Variants in PTH2R observed in about 807,000 individuals in gnomAD.
The protein encoded by PTH2R is parathyroid hormone 2 receptor.
A neutral mutation model predicts 60.3 loss-of-function variants in PTH2R; 59 were observed. The ratio of observed to expected loss-of-function variants is 0.98; its 90% CI spans 0.79 to 1.22. The LOEUF (loss-of-function observed/expected upper bound fraction) is 1.22. Among genes scored for constraint, PTH2R ranks in the 50% most tolerant of loss-of-function variants. PTH2R has a pLI of 0.00. For missense variants in PTH2R, 749 were observed against 682.6 expected, an observed-to-expected ratio of 1.10 and a Z score of -1.08; for synonymous variants, 256 against 243.8, an observed-to-expected ratio of 1.05 and a Z score of -0.47.
intron 1 of PTH2R, among the ~76,000 whole-genome samples, chr2:208,378,049 C>T (rs1044063587): frequency 4.0e-5 from 6 of 151,870 alleles, no homozygotes; most frequent in South Asian, 2.1e-4. Context: ...TGTAGCTAGC[C>T]GAGATCACGC....
chr2:208,429,387 GA>G (rs1333068580), intron 2 of PTH2R, among the ~76,000 whole-genome samples: 2 of 151,854 alleles, frequency 1.3e-5, no homozygotes, highest in Non-Finnish European at 2.9e-5. Flanking sequence ...CATATATTTT[GA>G]AAATATGTTA....
chr2:208,408,742 G>A (rs3886854), intron 1 of PTH2R, among the ~76,000 whole-genome samples: 54 of 137,988 alleles, frequency 3.9e-4, no homozygotes, highest in Middle Eastern at 3.6e-3. Context: ...GAGAGAGAAA[G>A]AGAGAGAGAG....
At position 208,493,898 on chromosome 2, in the gene PTH2R, G is replaced by A; in HGVS notation, c.*239G>A. On this transcript the variant is annotated 3_prime_UTR_variant, in exon 13 of 13. Transcript: ENST00000272847. Reference sequence around the variant, plus strand: ...CAAGTTTTCCTCTAAATTAATGTATGGTATTTGCTCTGTGATTGTTCATTT... The same window carrying A: ...CAAGTTTTCCTCTAAATTAATGTATAGTATTTGCTCTGTGATTGTTCATTT... 1 of 375,362 alleles carries A rather than the reference G, an allele frequency of 2.7e-6. No individual in the cohort carries two copies. Among genetic ancestry groups the A allele is most frequent in the Non-Finnish European group, 4.7e-6 (1 of 212,544 alleles). 23.3% of individuals were successfully genotyped at this position (375,362 alleles called of 1,614,324 possible).
intron 1 of PTH2R, among the ~76,000 whole-genome samples, chr2:208,393,148 T>C (rs1277389341): frequency 6.6e-6 from 1 of 152,162 alleles, no homozygotes; most frequent in East Asian, 1.9e-4. Context: ...CTCCTCCTGA[T>C]CCCTATTGTA....
intron 1 of PTH2R, among the ~76,000 whole-genome samples, chr2:208,384,615 G>T (rs145101477): frequency 3.2e-4 from 48 of 152,276 alleles, no homozygotes; most frequent in African/African-American, 1.1e-3. Flanking sequence ...TTTCTTTTGA[G>T]AATTTTTTTT....
At chr2:208,481,787 A>G (rs1019340466) in intron 10 of PTH2R, among the ~76,000 whole-genome samples, 3 of 152,256 alleles carry the variant, frequency 2.0e-5, no homozygotes, top group Admixed American at 6.5e-5. Context: ...TTCTACAAAT[A>G]TGTCATAACT....
At chr2:208,488,039 G>A (rs1377512651) in intron 10 of PTH2R, among the ~76,000 whole-genome samples, 1 of 152,178 alleles carries the variant, frequency 6.6e-6, no homozygotes, top group African/African-American at 2.4e-5. Flanking sequence ...GGCAAAAATA[G>A]CAGGAGGGGG....
chr2:208,469,658 G>A (rs576625609), intron 9 of PTH2R, among the ~76,000 whole-genome samples: 11 of 152,220 alleles, frequency 7.2e-5, no homozygotes, highest in African/African-American at 2.4e-4. Flanking sequence ...TTAAAATTAT[G>A]TTTAAGAGAA....
chr2:208,413,833 T>C (rs1701588967), intron 1 of PTH2R, among the ~76,000 whole-genome samples: 1 of 152,182 alleles, frequency 6.6e-6, no homozygotes, highest in Non-Finnish European at 1.5e-5. Flanking sequence ...CCAGTTTTGG[T>C]CAGGAGCATG....
At chr2:208,449,300 G>A (rs78584838) in intron 7 of PTH2R, among the ~76,000 whole-genome samples, 1,782 of 152,210 alleles carry the variant, frequency 0.012, 44 homozygotes, top group African/African-American at 0.041. Flanking sequence ...AGCAACTGAA[G>A]TTGCTTTGTT....
intron 1 of PTH2R, among the ~76,000 whole-genome samples, chr2:208,409,563 T>G (rs1281618954): frequency 6.6e-6 from 1 of 152,200 alleles, no homozygotes. Context: ...AATTATAACA[T>G]ATTGATAGAA....
intron 9 of PTH2R, among the ~76,000 whole-genome samples, chr2:208,464,930 T>G (rs2105891659): frequency 6.6e-6 from 1 of 152,168 alleles, no homozygotes; most frequent in East Asian, 1.9e-4. Flanking sequence ...CTAGCTAACA[T>G]TTATCTTTTG....
At chr2:208,443,938 T>C (rs569371811) in intron 6 of PTH2R, among the ~76,000 whole-genome samples, 7 of 152,302 alleles carry the variant, frequency 4.6e-5, no homozygotes, top group South Asian at 2.1e-4. Flanking sequence ...CTTGTTCCAA[T>C]ATAAAATTTT....
chr2:208,471,743 G>A (rs534696262), intron 9 of PTH2R, among the ~76,000 whole-genome samples: 1 of 152,282 alleles, frequency 6.6e-6, no homozygotes, highest in South Asian at 2.1e-4. Flanking sequence ...GTGAGAAGAG[G>A]GCCACTGTCC....
intron 1 of PTH2R, among the ~76,000 whole-genome samples, chr2:208,391,655 A>G (rs1245058244): frequency 1.3e-5 from 2 of 152,188 alleles, no homozygotes; most frequent in East Asian, 3.9e-4. Flanking sequence ...ATATCCAGGT[A>G]TCCACAGTTT....
chr2:208,402,484 C>T (rs1294290461), upstream of PTH2R, among the ~76,000 whole-genome samples: 7 of 152,166 alleles, frequency 4.6e-5, no homozygotes, highest in African/African-American at 4.8e-5. Context: ...AATGTCATAG[C>T]TCCCTACATC....
intron 1 of PTH2R, among the ~76,000 whole-genome samples, chr2:208,378,191 C>G (rs1416403058): frequency 4.6e-5 from 7 of 151,750 alleles, no homozygotes; most frequent in African/African-American, 1.7e-4. Context: ...GCCAACACAG[C>G]GAAACCCTGT....
intron 1 of PTH2R, among the ~76,000 whole-genome samples, chr2:208,393,369 T>C (rs1246926821): frequency 6.6e-6 from 1 of 152,196 alleles, no homozygotes; most frequent in Admixed American, 6.5e-5. Context: ...AATTCTCATC[T>C]CATCTTTGGT....
At chr2:208,453,505 A>G (rs1425249864) in intron 8 of PTH2R, among the ~76,000 whole-genome samples, 2 of 152,204 alleles carry the variant, frequency 1.3e-5, no homozygotes, top group African/African-American at 4.8e-5. Context: ...GTGCAAGTGT[A>G]ACTGTCTCAT....
Sources: allele counts gnomAD v4.1 joint callset (sites outside exome capture counted in the v4.1 genomes callset), GRCh38; gene constraint gnomAD v4.1.1; transcripts MANE v1.5; gene names NCBI Gene and HGNC (gene_info 2026-07-23, HGNC 2026-07-21).